Variants in EBLN2 observed in about 807,000 individuals in gnomAD.
The protein encoded by EBLN2 is endogenous Bornavirus-like nucleoprotein 2.
For missense variants in EBLN2, 397 were observed against 324.2 expected (o/e 1.22, Z -1.72); for synonymous variants, 131 against 113.6 (o/e 1.15, Z -0.97).
Position 73,062,049 on chromosome 3 carries a change from A to C in EBLN2, c.-33A>C. ...CGTGAGGTATTTTGGAAAAATGGTA[A>C]AGAAGTGCAGAGTCAAGTCATAGCG... On this transcript the variant is annotated 5_prime_UTR_variant, in exon 1 of 1. Coordinates refer to ENST00000533473, the MANE Select transcript of EBLN2 (RefSeq NM_018029.4). 6.9e-7 allele frequency: 1 copy of C among 1,453,074 alleles called. No individual in the cohort carries two copies. Among genetic ancestry groups the C allele is most frequent in the Non-Finnish European group, 9.2e-7 (1 of 1,090,120 alleles). 90.0% of individuals were successfully genotyped at this position (1,453,074 alleles called of 1,614,324 possible). A position where few individuals can be genotyped will look rare whatever the true frequency, so the allele number is the denominator to read the frequency against.
In EBLN2 at chr3:73,062,724, A is replaced by G. The variant is rs769250675; in HGVS notation, c.643A>G (p.Met215Val). The change falls in exon 1 of 1, where the codon ATG becomes GTG. Residue 215 changes from methionine (M) to valine (V), a missense_variant. Physicochemically the swap from Met to Val is conservative, Grantham distance 21 (BLOSUM62 1). Transcript: ENST00000533473. ...CCAAGTTCAGAGACGATTCAAGGCA[A>G]TGATGGCATCTATTGGAAGACTTTC... ...SLQVQRRFKA[M>V]MASIGRLSHG... 7.4e-6 allele frequency: 12 copies of G among 1,614,054 alleles called. No individual in the cohort carries two copies. Among genetic ancestry groups the G allele is most frequent in the East Asian group, 2.2e-5 (1 of 44,888 alleles).
In EBLN2 at chr3:73,062,692, G is replaced by A. The variant is rs763625594; in HGVS notation, c.611G>A (p.Ser204Asn). The A allele has an allele frequency of 6.2e-7, 1 of 1,613,988 alleles. No homozygotes were observed. Among genetic ancestry groups the A allele is most frequent in the Admixed American group, 1.7e-5 (1 of 60,022 alleles). Residue 204 changes from serine (S) to asparagine (N), a missense_variant, in exon 1 of 1, where the codon AGC (serine) becomes AAC (asparagine). Transcript: ENST00000533473. ...AAGSSDKICTSSLQVQRRFKA... is the reference protein window; with the variant it reads ...AAGSSDKICTNSLQVQRRFKA... Reference sequence around the variant, plus strand: ...GGATCAAGTGATAAGATTTGCACCAGCAGTCTCCAAGTTCAGAGACGATTC... The same window carrying A: ...GGATCAAGTGATAAGATTTGCACCAACAGTCTCCAAGTTCAGAGACGATTC...
chr3:73,062,426 T>C lies in EBLN2; in HGVS notation c.345T>C (p.His115=). 1.2e-6 allele frequency: 2 copies of C among 1,611,526 alleles called. No homozygotes were observed. Among genetic ancestry groups the C allele is most frequent in the Non-Finnish European group, 1.7e-6 (2 of 1,178,996 alleles). ...CCAAGTCTATGCTAGACCCAGCACA[T>C]AAATCTCATTTCCACCCTGTGACCC... ...KAAKSMLDPA[H]KSHFHPVTPS... The change falls in exon 1 of 1, where the codon CAT becomes CAC. Residue 115 remains histidine (H), a synonymous_variant. Coordinates refer to ENST00000533473, the MANE Select transcript of EBLN2 (RefSeq NM_018029.4).
In EBLN2 at chr3:73,063,256, G is replaced by C. The variant is rs747684881; in HGVS notation, c.*356G>C. 3.7e-5 allele frequency: 11 copies of C among 298,478 alleles called. No individual in the cohort carries two copies. Among genetic ancestry groups the C allele is most frequent in the Non-Finnish European group, 7.2e-5 (11 of 153,052 alleles). 18.5% of individuals were successfully genotyped at this position (298,478 alleles called of 1,614,324 possible). A position where few individuals can be genotyped will look rare whatever the true frequency, so the allele number is the denominator to read the frequency against. On this transcript the variant is annotated 3_prime_UTR_variant, in exon 1 of 1. Transcript: ENST00000533473. ...GGCATCTACCCCGTAAGATCTTGAGGGGGGAGTGTTGGGTGGAATCATAGA... is the reference window on the plus strand; with the variant it reads ...GGCATCTACCCCGTAAGATCTTGAGCGGGGAGTGTTGGGTGGAATCATAGA...
In EBLN2 at chr3:73,062,385, G is replaced by A. The variant is rs1404814107; in HGVS notation, c.304G>A (p.Asp102Asn). ...EPQPSIGDIK[D>N]IKKAAKSMLD... Reference sequence around the variant, plus strand: ...CCAACCCAGCATTGGGGATATTAAGGACATTAAAAAAGCAGCCAAGTCTAT... The same window carrying A: ...CCAACCCAGCATTGGGGATATTAAGAACATTAAAAAAGCAGCCAAGTCTAT... The change falls in exon 1 of 1, where the codon GAC becomes AAC. Residue 102 changes from aspartate (D) to asparagine (N), a missense_variant. Transcript: ENST00000533473. The A allele has an allele frequency of 8.1e-6, 13 of 1,606,954 alleles. No homozygotes were observed. Among genetic ancestry groups the A allele is most frequent in the African/African-American group, 1.3e-5 (1 of 74,350 alleles).
chr3:73,062,519 C>T lies in EBLN2; in HGVS notation c.438C>T (p.Ser146=). Residue 146 remains serine (S), a synonymous_variant, in exon 1 of 1, where the codon AGC becomes AGT. Transcript: ENST00000533473. ...AGGCATTACTGAGTGTTGGTGTGAG[C>T]AAGAGGTCTAATACTGTGGTTGGGA... ...LHQALLSVGV[S]KRSNTVVGNE... is the part of the protein sequence containing the mutation. The T allele has an allele frequency of 4.3e-6, 7 of 1,613,790 alleles. No homozygotes were observed. The highest frequency in any genetic ancestry group is 5.9e-6 in the Non-Finnish European group (7 of 1,179,798).
Position 73,062,058 on chromosome 3 carries a change from AGAGTCAAGTCATAGC to A in EBLN2, c.-21_-7del. ...TTTTGGAAAAATGGTAAAGAAGTGC[AGAGTCAAGTCATAGC>A]GACTAATAATGGGTTATTTTCTTAA... On this transcript the variant is annotated 5_prime_UTR_variant, in exon 1 of 1. It removes the in-frame stop codon of an upstream open reading frame in the 5' UTR. Transcript: ENST00000533473. 1 of 1,478,780 alleles carries A rather than the reference AGAGTCAAGTCATAGC, an allele frequency of 6.8e-7. No individual in the cohort carries two copies. The highest frequency in any genetic ancestry group is 2.5e-5 in the East Asian group (1 of 40,494). 91.6% of individuals were successfully genotyped at this position (1,478,780 alleles called of 1,614,324 possible).
rs1212316562 is a variant in EBLN2, at chr3:73,063,278, T to C, written c.*378T>C. ...GAGGGGGGAGTGTTGGGTGGAATCA[T>C]AGATCCATGCACTCCTAACATGAAC... On this transcript the variant is annotated 3_prime_UTR_variant, in exon 1 of 1. Transcript: ENST00000533473. 2 of 252,112 alleles carry C rather than the reference T, an allele frequency of 7.9e-6. No homozygotes were observed. The highest frequency in any genetic ancestry group is 2.8e-5 in the African/African-American group (1 of 35,444). 15.6% of individuals were successfully genotyped at this position (252,112 alleles called of 1,614,324 possible).
chr3:73,062,455 G>GT, the EBLN2 span: 1 of 1,612,252 alleles, frequency 6.2e-7, no homozygotes, highest in East Asian at 2.2e-5. Flanking sequence ...GTGACCCCAA[G>GT]TTTAGTATTC....
At position 73,062,922 on chromosome 3, in the gene EBLN2, C is replaced by G. The variant is rs531173205; in HGVS notation, c.*22C>G. 3 of 1,590,952 alleles carry G rather than the reference C, an allele frequency of 1.9e-6. No homozygotes were observed. Among genetic ancestry groups the G allele is most frequent in the African/African-American group, 2.7e-5 (2 of 73,988 alleles). ...TTAGTTGCCAAGAAAGCACAGATGA[C>G]AACCTATTAATGCTGTGAGAATGTT... is the stretch of plus-strand genomic sequence containing the variant. On this transcript the variant is annotated 3_prime_UTR_variant, in exon 1 of 1. Transcript: ENST00000533473.
At position 73,062,908 on chromosome 3, in the gene EBLN2, GA is replaced by G. The variant is rs1284114204; in HGVS notation, c.*11del. ...CTACGCAAGTCAAGTTAGTTGCCAA[GA>G]AAGCACAGATGACAACCTATTAATG... On this transcript the variant is annotated 3_prime_UTR_variant, in exon 1 of 1. Coordinates refer to ENST00000533473, the MANE Select transcript of EBLN2 (RefSeq NM_018029.4). 5.6e-6 allele frequency: 9 copies of G among 1,606,824 alleles called. No individual in the cohort carries two copies. The highest frequency in any genetic ancestry group is 7.7e-6 in the Non-Finnish European group (9 of 1,175,292).
rs1387055921 is a variant in EBLN2 at position 73,063,053 on chromosome 3, AT to A, written c.*157del. ...ATGGTTAAAAAGGCATTGGGGAAAT[AT>A]TTTGAGTTTGGGGGTGTACTTTGCC... is the stretch of plus-strand genomic sequence containing the variant. On this transcript the variant is annotated 3_prime_UTR_variant, in exon 1 of 1. Transcript: ENST00000533473. 17 of 767,560 alleles carry A rather than the reference AT, an allele frequency of 2.2e-5. No homozygotes were observed. Among genetic ancestry groups the A allele is most frequent in the Non-Finnish European group, 3.2e-5 (15 of 473,366 alleles). 47.5% of individuals were successfully genotyped at this position (767,560 alleles called of 1,614,324 possible).
Position 73,062,865 on chromosome 3 carries a change from G to A in EBLN2, c.784G>A (p.Glu262Lys). ...LMFTLLFGDF[E>K]SPLHKLRKSS Reference sequence around the variant, plus strand: ...GTTCACACTTCTATTTGGAGACTTTGAATCCCCTCTACACAAGCTACGCAA... The same window carrying A: ...GTTCACACTTCTATTTGGAGACTTTAAATCCCCTCTACACAAGCTACGCAA... Residue 262 changes from glutamate (E) to lysine (K), a missense_variant, in exon 1 of 1, where the codon GAA (glutamate) becomes AAA (lysine). Coordinates refer to ENST00000533473, the MANE Select transcript of EBLN2 (RefSeq NM_018029.4). The A allele has an allele frequency of 6.2e-7, 1 of 1,613,754 alleles. No homozygotes were observed. The highest frequency in any genetic ancestry group is 8.5e-7 in the Non-Finnish European group (1 of 1,179,788).
chr3:73,061,666 A>G lies in EBLN2; in HGVS notation c.-416A>G, dbSNP rs1463714886. The G allele has an allele frequency of 5.5e-6, 1 of 180,652 alleles. No homozygotes were observed. The highest frequency in any genetic ancestry group is 1.1e-5 in the Non-Finnish European group (1 of 87,008). 11.2% of individuals were successfully genotyped at this position (180,652 alleles called of 1,614,324 possible). On this transcript the variant is annotated 5_prime_UTR_variant, in exon 1 of 1. Coordinates refer to ENST00000533473, the MANE Select transcript of EBLN2 (RefSeq NM_018029.4). ...AATGTCTCTTGGAGATGTGAAAGGC[A>G]GGGAGGGGAGGTTGTCCCCTGCTGA...
chr3:73,062,167 T>C lies in EBLN2; in HGVS notation c.86T>C (p.Phe29Ser). 6.4e-7 allele frequency: 1 copy of C among 1,552,360 alleles called. No homozygotes were observed. The highest frequency in any genetic ancestry group is 8.7e-7 in the Non-Finnish European group (1 of 1,151,298). Residue 29 changes from phenylalanine to serine, a missense_variant, in exon 1 of 1, where the codon TTT (phenylalanine) becomes TCT (serine). Coordinates refer to ENST00000533473, the MANE Select transcript of EBLN2 (RefSeq NM_018029.4). ...TGTGACAGATCTTACAAAAGATCTT[T>C]TAGACCTATGATTCTTAACAAAATT... Reference protein sequence around the residue: ...WVCDRSYKRSFRPMILNKIKE... With the variant: ...WVCDRSYKRSSRPMILNKIKE...
At position 73,062,206 on chromosome 3, in the gene EBLN2, G is replaced by C; in HGVS notation, c.125G>C (p.Arg42Pro). The stretch of plus-strand genomic sequence containing the variant: ...CTTAACAAAATTAAAGAATTAAGTC[G>C]GAACCAATTTTCCACAATGTCTCAT... The part of the protein sequence containing the change: ...MILNKIKELS[R>P]NQFSTMSHLR... The change falls in exon 1 of 1, where the codon CGG becomes CCG. Residue 42 changes from arginine (R) to proline (P), a missense_variant. Arg to Pro is a moderately radical substitution (Grantham distance 103). Transcript: ENST00000533473. The C allele has an allele frequency of 1.9e-6, 3 of 1,583,842 alleles. No homozygotes were observed. Among genetic ancestry groups the C allele is most frequent in the Non-Finnish European group, 1.7e-6 (2 of 1,168,866 alleles).
Position 73,063,158 on chromosome 3 carries a change from A to T in EBLN2, c.*258A>T, listed in dbSNP as rs559104768. On this transcript the variant is annotated 3_prime_UTR_variant, in exon 1 of 1. Transcript: ENST00000533473. The stretch of plus-strand genomic sequence containing the variant: ...GCAAACTACTGGGCCAAGATGAGCA[A>T]CCCCACATTTTTGGGATTTAAAGCT... The T allele has an allele frequency of 2.8e-4, 133 of 472,190 alleles. No homozygotes were observed. The highest frequency in any genetic ancestry group is 4.6e-4 in the Non-Finnish European group (119 of 257,248). 29.3% of individuals were successfully genotyped at this position (472,190 alleles called of 1,614,324 possible).
rs1374655388 is a variant in EBLN2, at chr3:73,062,394, A to G, written c.313A>G (p.Lys105Glu). 1 of 1,607,370 alleles carries G rather than the reference A, an allele frequency of 6.2e-7. No individual in the cohort carries two copies. The highest frequency in any genetic ancestry group is 1.1e-5 in the South Asian group (1 of 89,984). The change falls in exon 1 of 1, where the codon AAA becomes GAA. Residue 105 changes from lysine (K) to glutamate (E), a missense_variant. By Grantham distance (56) the Lys-to-Glu change is moderately conservative. Coordinates refer to ENST00000533473, the MANE Select transcript of EBLN2 (RefSeq NM_018029.4). The part of the protein sequence containing the change: ...PSIGDIKDIK[K>E]AAKSMLDPAH... Reference sequence around the variant, plus strand: ...CATTGGGGATATTAAGGACATTAAAAAAGCAGCCAAGTCTATGCTAGACCC... The same window carrying G: ...CATTGGGGATATTAAGGACATTAAAGAAGCAGCCAAGTCTATGCTAGACCC...
Position 73,062,047 on chromosome 3 carries a change from T to G in EBLN2, c.-35T>G. ...AACGTGAGGTATTTTGGAAAAATGG[T>G]AAAGAAGTGCAGAGTCAAGTCATAG... On this transcript the variant is annotated 5_prime_UTR_variant, in exon 1 of 1. Coordinates refer to ENST00000533473, the MANE Select transcript of EBLN2 (RefSeq NM_018029.4). 1 of 1,447,976 alleles carries G rather than the reference T, an allele frequency of 6.9e-7. No homozygotes were observed. The highest frequency in any genetic ancestry group is 1.4e-5 in the South Asian group (1 of 73,400). The allele number at this position is 1,447,976 out of a possible 1,614,324, so 89.7% of individuals were successfully genotyped here. A position where few individuals can be genotyped will look rare whatever the true frequency, so the allele number is the denominator to read the frequency against.
Sources: allele counts gnomAD v4.1 joint callset, GRCh38; gene constraint gnomAD v4.1.1; transcripts MANE v1.5; gene names NCBI Gene and HGNC (gene_info 2026-07-23, HGNC 2026-07-21).